Variants in PTPRD observed in about 807,000 individuals in gnomAD.
The protein encoded by PTPRD is protein tyrosine phosphatase receptor type D, also known as receptor-type tyrosine-protein phosphatase delta.
PTPRD carries 34 observed loss-of-function variants against 214.5 expected under a neutral mutation model. That is an observed-to-expected ratio of 0.16 (90% CI 0.12 to 0.21). The LOEUF is 0.21. Ranked by LOEUF, PTPRD falls within the 10% of genes least tolerant of loss-of-function variation. PTPRD has a pLI of 1.00. For synonymous variants in PTPRD, 1,128 were observed against 845.7 expected (o/e 1.33, Z -5.79); for missense variants, 2,545 against 2,398.7 (o/e 1.06, Z -1.27).
intron 8 of PTPRD, among the ~76,000 whole-genome samples, chr9:9,496,215 G>C (rs552484859): frequency 1.3e-5 from 2 of 152,172 alleles, no homozygotes; most frequent in East Asian, 3.9e-4. Flanking sequence ...AGACAATTTT[G>C]ACTTTAGGAG....
At chr9:10,079,827 C>G (rs1452419160) in intron 3 of PTPRD, among the ~76,000 whole-genome samples, 2 of 152,042 alleles carry the variant, frequency 1.3e-5, no homozygotes, top group African/African-American at 2.4e-5. Flanking sequence ...TCTATTGTCA[C>G]CGACCCTAAA....
chr9:10,501,073 T>C (rs1223070159), intron 2 of PTPRD, among the ~76,000 whole-genome samples: 2 of 151,972 alleles, frequency 1.3e-5, no homozygotes, highest in Non-Finnish European at 2.9e-5. Flanking sequence ...GGTTGCTGTA[T>C]CTTATGGTAG....
At chr9:10,569,905 G>GTGT (rs1187346864) in intron 2 of PTPRD, among the ~76,000 whole-genome samples, 2 of 151,990 alleles carry the variant, frequency 1.3e-5, no homozygotes. Flanking sequence ...AGTAGTTCTA[G>GTGT]TGTTACTCAT....
At chr9:8,867,181 T>G (rs1043360301) in intron 11 of PTPRD, among the ~76,000 whole-genome samples, 1 of 152,156 alleles carries the variant, frequency 6.6e-6, no homozygotes, top group Non-Finnish European at 1.5e-5. Flanking sequence ...CCCTCCCTTC[T>G]TCTCTTTCTT....
intron 3 of PTPRD, among the ~76,000 whole-genome samples, chr9:10,176,749 T>C (rs2099250903): frequency 1.3e-5 from 2 of 151,958 alleles, no homozygotes; most frequent in African/African-American, 4.8e-5. Flanking sequence ...CAAGCTCCAG[T>C]TGAGTAAACC....
At position 10,093,701 on chromosome 9, in the gene PTPRD, A is replaced by G. The variant is rs146311223; in HGVS notation, c.-544-59911T>C. Among the ~76,000 whole-genome samples, 8 of 151,638 alleles carry G rather than the reference A, an allele frequency of 5.3e-5. No individual in the cohort carries two copies. In the East Asian group the frequency reaches 1.6e-3, roughly 30 times the overall value. The stretch of plus-strand genomic sequence containing the variant: ...ACACATGGAATCAACCCAGGTGCCC[A>G]TCTATGGTGGATCGGATAAACAAAA... On this transcript the variant is annotated intron_variant, in intron 3 of 45. Coordinates refer to ENST00000381196, the MANE Select transcript of PTPRD (RefSeq NM_002839.4).
intron 4 of PTPRD, among the ~76,000 whole-genome samples, chr9:9,997,307 CAG>C (rs2096157609): frequency 2.2e-5 from 3 of 137,048 alleles, no homozygotes; most frequent in Admixed American, 1.5e-4. Context: ...TTTTTTGAGA[CAG>C]AGTTTCACTC....
At chr9:10,144,545 A>C (rs149961439) in intron 3 of PTPRD, among the ~76,000 whole-genome samples, 1 of 152,188 alleles carries the variant, frequency 6.6e-6, no homozygotes, top group Non-Finnish European at 1.5e-5. Context: ...AAAGCACTCT[A>C]TCCAGCAACA....
chr9:10,475,276 A>G (rs1030162864), intron 2 of PTPRD, among the ~76,000 whole-genome samples: 7 of 152,126 alleles, frequency 4.6e-5, no homozygotes, highest in African/African-American at 1.7e-4. Flanking sequence ...AGAATCAAAT[A>G]GACACAATAA....
intron 9 of PTPRD, among the ~76,000 whole-genome samples, chr9:9,271,028 T>C (rs886641174): frequency 1.3e-5 from 2 of 151,284 alleles, no homozygotes; most frequent in Non-Finnish European, 3.0e-5. Context: ...ATTTTGATCA[T>C]GTTAAGTTTA....
At chr9:9,012,012 A>C (rs531573677) in intron 11 of PTPRD, among the ~76,000 whole-genome samples, 1 of 152,296 alleles carries the variant, frequency 6.6e-6, no homozygotes, top group East Asian at 1.9e-4. Context: ...CCTTGCTATC[A>C]GTCTGGTAAT....
intron 10 of PTPRD, among the ~76,000 whole-genome samples, chr9:9,044,335 G>A (rs2099662406): frequency 6.6e-6 from 1 of 152,182 alleles, no homozygotes. Flanking sequence ...TATTTGCTAT[G>A]GATAGATGTG....
At chr9:8,730,932 C>T (rs1233284189) in intron 12 of PTPRD, among the ~76,000 whole-genome samples, 3 of 109,784 alleles carry the variant, frequency 2.7e-5, no homozygotes, top group African/African-American at 1.0e-4. Flanking sequence ...ATCATCTGGG[C>T]CATTCAAGAC....
At chr9:8,758,731 G>C (rs1270712012) in intron 11 of PTPRD, among the ~76,000 whole-genome samples, 1 of 151,896 alleles carries the variant, frequency 6.6e-6, no homozygotes, top group African/African-American at 2.4e-5. Flanking sequence ...TTGTTTGAGA[G>C]GAGGAAAGAA....
At chr9:9,823,415 G>A (rs2051498096) in intron 5 of PTPRD, among the ~76,000 whole-genome samples, 1 of 152,022 alleles carries the variant, frequency 6.6e-6, no homozygotes, top group Non-Finnish European at 1.5e-5. Flanking sequence ...CAAGCCTGGA[G>A]GGATCTGTCC....
rs148865440 is a variant in PTPRD at position 8,563,577 on chromosome 9, T to C, written c.353-34798A>G. 4.0e-3 allele frequency among the ~76,000 whole-genome samples: 599 copies of C among 151,554 alleles called. 6 individuals carry two copies. Among genetic ancestry groups the C allele is most frequent in the African/African-American group, 0.013 (545 of 41,308 alleles). ...TCAGCCTCCTGAGTAGTTGGGACTA[T>C]AGACATCTGCCGCCACACCTGGCTA... is the stretch of plus-strand genomic sequence containing the variant. On this transcript the variant is annotated intron_variant, in intron 14 of 45. Transcript: ENST00000381196.
intron 4 of PTPRD, among the ~76,000 whole-genome samples, chr9:9,998,588 C>T (rs538575577): frequency 3.7e-4 from 56 of 151,968 alleles, no homozygotes; most frequent in African/African-American, 1.3e-3. Flanking sequence ...CAAATTAACC[C>T]TAGGACGTAA....
chr9:10,439,358 A>T (rs1359042952), intron 2 of PTPRD, among the ~76,000 whole-genome samples: 1 of 151,828 alleles, frequency 6.6e-6, no homozygotes, highest in Admixed American at 6.6e-5. Flanking sequence ...GCTGTGAAAA[A>T]TCAAGCAAAC....
In PTPRD at chr9:9,871,746, G is replaced by T. The variant is rs559101655; in HGVS notation, c.-368+66761C>A. On this transcript the variant is annotated intron_variant, in intron 5 of 45. Coordinates refer to ENST00000381196, the MANE Select transcript of PTPRD (RefSeq NM_002839.4). ...GGACCCTAAGATTATCTTCCGGAAA[G>T]GGGCCTGGGAGGAGAAGCTCATGGG... Among the ~76,000 whole-genome samples, 5 of 151,148 alleles carry T rather than the reference G, an allele frequency of 3.3e-5. No individual in the cohort carries two copies. The East Asian group carries it at 9.9e-4, about 30-fold the overall frequency.
Sources: gnomAD v4.1 joint callset for allele counts (sites outside exome capture counted in the v4.1 genomes callset) on GRCh38, gnomAD v4.1.1 for gene constraint, MANE v1.5 for transcripts, NCBI Gene and HGNC (gene_info 2026-07-23, HGNC 2026-07-21) for gene names.